The following DTD1 variants were observed in gnomAD, a reference collection of about 807,000 sequenced individuals.
The protein encoded by DTD1 is D-tyrosyl-tRNA deacylase 1 homolog.
DTD1 carries 13 observed loss-of-function variants against 25.6 expected under a neutral mutation model. The ratio of observed to expected loss-of-function variants is 0.51; its 90% CI spans 0.33 to 0.81. The LOEUF is 0.81. DTD1 is among the 30% of genes least tolerant of loss of function. DTD1 has a pLI of 0.02. For missense variants in DTD1, 193 were observed against 266.4 expected (o/e 0.72, Z 1.92); for synonymous variants, 110 against 103.6 (o/e 1.06, Z -0.37).
At chr20:18,736,575 G>A (rs551888062) in intron 4 of DTD1, among the ~76,000 whole-genome samples, 8 of 152,314 alleles carry the variant, frequency 5.3e-5, no homozygotes, top group East Asian at 3.9e-4. Flanking sequence ...TGCTTTGCAC[G>A]ACTCAGGGCG....
At chr20:18,709,733 G>A (rs1487247646) in intron 4 of DTD1, among the ~76,000 whole-genome samples, 2 of 152,160 alleles carry the variant, frequency 1.3e-5, no homozygotes, top group East Asian at 3.9e-4. Context: ...GGTGTACTTG[G>A]TATAAAACTT....
chr20:18,618,827 C>T (rs1228529635), intron 3 of DTD1, among the ~76,000 whole-genome samples: 1 of 151,800 alleles, frequency 6.6e-6, no homozygotes, highest in East Asian at 1.9e-4. Flanking sequence ...ATTCTCCTGC[C>T]TCAGCCTCCC....
chr20:18,749,523 T>C lies in DTD1; in HGVS notation c.*19+5252T>C, dbSNP rs1272552118. On this transcript the variant is annotated intron_variant, in intron 5 of 5. Transcript: ENST00000377452. This position sits in a 1 kb window ranked among gnomAD's most constrained non-coding sequence, Gnocchi z 4.2. ...CCTCAGCTCTTCATAGCACTGACAGTCCCTCCAGGTCTCAGCTGTGACCTC... is the reference window on the plus strand; with the variant it reads ...CCTCAGCTCTTCATAGCACTGACAGCCCCTCCAGGTCTCAGCTGTGACCTC... Among the ~76,000 whole-genome samples the C allele has an allele frequency of 2.0e-5, 3 of 152,044 alleles. No individual in the cohort carries two copies. Among genetic ancestry groups the C allele is most frequent in the Non-Finnish European group, 4.4e-5 (3 of 67,990 alleles).
At chr20:18,718,503 G>A (rs2061190511) in intron 4 of DTD1, among the ~76,000 whole-genome samples, 1 of 152,190 alleles carries the variant, frequency 6.6e-6, no homozygotes, top group African/African-American at 2.4e-5. Context: ...GTGGAGCAAA[G>A]AGCTGCCTTT....
At chr20:18,718,223 G>A (rs2061189121) in intron 4 of DTD1, among the ~76,000 whole-genome samples, 1 of 152,218 alleles carries the variant, frequency 6.6e-6, no homozygotes, top group Admixed American at 6.5e-5. Flanking sequence ...TGGATAAAAA[G>A]CTGGAGATCT....
At chr20:18,670,637 TAA>T (rs2060948580) in intron 4 of DTD1, among the ~76,000 whole-genome samples, 1 of 152,216 alleles carries the variant, frequency 6.6e-6, no homozygotes, top group Non-Finnish European at 1.5e-5. Flanking sequence ...GAGTTCTAAA[TAA>T]AGTCGTTTAC....
At chr20:18,704,583 C>A (rs1318590605) in intron 4 of DTD1, among the ~76,000 whole-genome samples, 1 of 152,152 alleles carries the variant, frequency 6.6e-6, no homozygotes, top group Non-Finnish European at 1.5e-5. Context: ...TAAAAGTTAT[C>A]TCTAGAGCCA....
At chr20:18,717,136 C>A (rs929520487) in intron 4 of DTD1, among the ~76,000 whole-genome samples, 2 of 152,186 alleles carry the variant, frequency 1.3e-5, no homozygotes, top group Non-Finnish European at 2.9e-5. Context: ...GAAAAATACA[C>A]AAGAACCAGG....
chr20:18,735,937 T>C (rs2061253393), intron 4 of DTD1, among the ~76,000 whole-genome samples: 1 of 152,160 alleles, frequency 6.6e-6, no homozygotes, highest in East Asian at 1.9e-4. Flanking sequence ...ATGCACAGAC[T>C]CTTTTTTTTC....
intron 4 of DTD1, among the ~76,000 whole-genome samples, chr20:18,737,404 A>AC (rs200003769): frequency 6.6e-6 from 1 of 151,232 alleles, no homozygotes; most frequent in African/African-American, 2.4e-5. Context: ...TGCCCTGGAG[A>AC]CCCCCCCATA....
At chr20:18,756,192 T>C (rs1480315810) in intron 5 of DTD1, among the ~76,000 whole-genome samples, 1 of 152,156 alleles carries the variant, frequency 6.6e-6, no homozygotes, top group Non-Finnish European at 1.5e-5. Context: ...TTGAGTACAC[T>C]GCAAAAATTT....
intron 4 of DTD1, among the ~76,000 whole-genome samples, chr20:18,706,028 T>C (rs1271610187): frequency 6.6e-6 from 1 of 152,218 alleles, no homozygotes; most frequent in Non-Finnish European, 1.5e-5. Flanking sequence ...CAGTTTTCTT[T>C]TCACTCAGAT....
At chr20:18,608,093 T>C (rs945561740) in intron 3 of DTD1, among the ~76,000 whole-genome samples, 11 of 152,116 alleles carry the variant, frequency 7.2e-5, no homozygotes, top group African/African-American at 2.7e-4. Context: ...TTTTTTTTTC[T>C]TTGGGAACCC....
At chr20:18,657,768 C>G (rs2060896060) in intron 4 of DTD1, among the ~76,000 whole-genome samples, 1 of 152,206 alleles carries the variant, frequency 6.6e-6, no homozygotes, top group Non-Finnish European at 1.5e-5. Flanking sequence ...TCAGGAGAGG[C>G]TTTCTGGGCA....
chr20:18,616,166 G>A (rs372162270), intron 3 of DTD1, among the ~76,000 whole-genome samples: 1 of 152,280 alleles, frequency 6.6e-6, no homozygotes. Flanking sequence ...TTGCTCTTGT[G>A]TAAAAGTTTG....
chr20:18,615,214 A>G, intron 3 of DTD1, among the ~76,000 whole-genome samples: 1 of 152,276 alleles, frequency 6.6e-6, no homozygotes, highest in East Asian at 1.9e-4. Flanking sequence ...CTGTAATGAC[A>G]GGAGTGTCAA....
At chr20:18,659,594 T>C (rs1600349032) in intron 4 of DTD1, among the ~76,000 whole-genome samples, 1 of 152,216 alleles carries the variant, frequency 6.6e-6, no homozygotes, top group East Asian at 1.9e-4. Flanking sequence ...TGAGTTTATA[T>C]TCTTTGGAGG....
chr20:18,619,209 A>G (rs1020034284), intron 3 of DTD1, among the ~76,000 whole-genome samples: 12 of 152,108 alleles, frequency 7.9e-5, no homozygotes, highest in African/African-American at 2.9e-4. Flanking sequence ...TATACATGCT[A>G]TGAGTTGCAG....
At chr20:18,609,016 T>A (rs965557184) in intron 3 of DTD1, among the ~76,000 whole-genome samples, 3 of 152,214 alleles carry the variant, frequency 2.0e-5, no homozygotes, top group African/African-American at 4.8e-5. Context: ...ATTTTTTTTT[T>A]AAATTAGAAA....
Sources: allele counts gnomAD v4.1 joint callset (sites outside exome capture counted in the v4.1 genomes callset), GRCh38; gene constraint gnomAD v4.1.1; non-coding constraint Gnocchi (gnomAD v3.1); transcripts MANE v1.5; gene names NCBI Gene and HGNC (gene_info 2026-07-23, HGNC 2026-07-21).